The following UBR2 variants were observed in gnomAD, a reference collection of about 807,000 sequenced individuals.
UBR2 encodes the protein E3 ubiquitin-protein ligase UBR2.
In UBR2, 92 loss-of-function variants were observed where a neutral mutation model predicts 247.9. That is an observed-to-expected ratio of 0.37 (90% CI 0.31 to 0.44). UBR2 has a LOEUF of 0.44. UBR2 is among the 20% of genes least tolerant of loss of function. The probability of loss-of-function intolerance (pLI) is 1.00; values close to 1 mark genes in which losing one functional copy is unlikely to be tolerated. For missense variants in UBR2, 1,613 were observed against 2,112.6 expected, an observed-to-expected ratio of 0.76 and a Z score of 4.64; for synonymous variants, 672 against 693.5, an observed-to-expected ratio of 0.97 and a Z score of 0.49.
rs2151960645 is a variant in UBR2, at chr6:42,644,532, T to C, written c.2280T>C (p.Leu760=). 3 of 1,608,168 alleles carry C rather than the reference T, an allele frequency of 1.9e-6. No homozygotes were observed. The East Asian group carries it at 6.7e-5, about 36-fold the overall frequency. The change falls in exon 20 of 47, where the codon CTT becomes CTC. Residue 760 remains leucine (L), a synonymous_variant. Transcript: ENST00000372901. ...IEEMLYLIIM[L]VGERFSPGVG... is the part of the protein sequence containing the mutation. ...AAATGCTATACCTCATTATAATGCTTGTTGGTAAGTTTAAATTGTTTGAGG... is the reference window on the plus strand; with the variant it reads ...AAATGCTATACCTCATTATAATGCTCGTTGGTAAGTTTAAATTGTTTGAGG...
rs530170609 is a variant in UBR2 at position 42,684,541 on chromosome 6, G to A, written c.4776-253G>A. 1.6e-3 allele frequency among the ~76,000 whole-genome samples: 246 copies of A among 150,796 alleles called. 1 individual carries two copies. The highest frequency in any genetic ancestry group is 5.7e-3 in the African/African-American group (232 of 41,000). On this transcript the variant is annotated intron_variant, in intron 43 of 46. Coordinates refer to ENST00000372901, the MANE Select transcript of UBR2 (RefSeq NM_001363705.2). ...GGAGGTTGCAGTGAGCCAAGATTGC[G>A]CCACTGCACTCCAGCCTGGGCACAG...
intron 41 of UBR2, among the ~76,000 whole-genome samples, 178 bp from the exon 42 acceptor site, chr6:42,679,546 A>G (rs2151990232): frequency 6.6e-6 from 1 of 152,376 alleles, no homozygotes; most frequent in East Asian, 1.9e-4. Flanking sequence ...CACTTGACGC[A>G]TTGCGTCATT....
intron 8 of UBR2, among the ~76,000 whole-genome samples, chr6:42,614,177 CAAA>C (rs1167450076): frequency 8.8e-5 from 1 of 11,392 alleles, no homozygotes; most frequent in African/African-American, 4.2e-4. Context: ...ACTCTGTCTC[CAAA>C]AAAAAAAAAA....
At chr6:42,686,688 C>T (rs988267697) in intron 44 of UBR2, among the ~76,000 whole-genome samples, 4 of 145,584 alleles carry the variant, frequency 2.7e-5, no homozygotes, top group African/African-American at 5.1e-5. Context: ...CCGGACGGGG[C>T]GGCTGGCCGG....
chr6:42,617,465 A>G lies in UBR2; in HGVS notation c.1239A>G (p.Ser413=). 1 of 1,557,378 alleles carries G rather than the reference A, an allele frequency of 6.4e-7. No individual in the cohort carries two copies. Among genetic ancestry groups the G allele is most frequent in the Non-Finnish European group, 8.7e-7 (1 of 1,149,920 alleles). The change falls in exon 11 of 47, where the codon TCA becomes TCG. Residue 413 remains serine, a synonymous_variant. Transcript: ENST00000372901. The part of the protein sequence containing the change: ...YVTDDHDREF[S]VADLSVQIFT... ...CAGATGACCACGACAGAGAGTTTTC[A>G]GTCGCAGACCTCTCGGTTCAGATAT...
intron 34 of UBR2, among the ~76,000 whole-genome samples, chr6:42,666,495 C>G (rs552057785): frequency 6.6e-6 from 1 of 151,956 alleles, no homozygotes; most frequent in East Asian, 1.9e-4. Context: ...GTCTCAACAA[C>G]AACAACAAAA....
chr6:42,674,524 G>T (rs545948344), intron 38 of UBR2, among the ~76,000 whole-genome samples: 3 of 152,102 alleles, frequency 2.0e-5, no homozygotes, highest in African/African-American at 7.2e-5. Context: ...AGCACTTTGC[G>T]AGGCTCACCC....
At chr6:42,672,239 G>C (rs1433082471) in intron 36 of UBR2, among the ~76,000 whole-genome samples, 1 of 151,970 alleles carries the variant, frequency 6.6e-6, no homozygotes, top group African/African-American at 2.4e-5. Context: ...CACCATGTTG[G>C]CCAGGCTGGT....
At chr6:42,677,229 T>C (rs1028256835) in intron 40 of UBR2, among the ~76,000 whole-genome samples, 85 of 152,306 alleles carry the variant, frequency 5.6e-4, no homozygotes, top group African/African-American at 2.0e-3. Context: ...CAAGTTAAAT[T>C]GGCATAATTT....
intron 4 of UBR2, among the ~76,000 whole-genome samples, chr6:42,596,790 AG>A (rs1458296111): frequency 6.6e-6 from 1 of 152,218 alleles, no homozygotes; most frequent in Non-Finnish European, 1.5e-5. Flanking sequence ...AAATCTGTAG[AG>A]AGAAAAAACA....
rs1799609408 is a variant in UBR2, at chr6:42,689,120, G to A, written c.5025-449G>A. On this transcript the variant is annotated intron_variant, in intron 45 of 46. Coordinates refer to ENST00000372901, the MANE Select transcript of UBR2 (RefSeq NM_001363705.2). The surrounding 1 kb of genome is among the most constrained non-coding windows in gnomAD (Gnocchi z 4.0). ...CTGTCTGCTCAAGGCAAGGAGGCGC[G>A]TGTCACTGGAGTGTTGTGCACAGGT... Among the ~76,000 whole-genome samples, 2 of 152,190 alleles carry A rather than the reference G, an allele frequency of 1.3e-5. No homozygotes were observed. Among genetic ancestry groups the A allele is most frequent in the African/African-American group, 4.8e-5 (2 of 41,440 alleles).
At chr6:42,622,401 G>T (rs1396274892) in intron 11 of UBR2, among the ~76,000 whole-genome samples, 5 of 143,784 alleles carry the variant, frequency 3.5e-5, no homozygotes, top group African/African-American at 1.3e-4. Flanking sequence ...GGGTTTTTTG[G>T]TGGGTTTTTT....
intron 8 of UBR2, among the ~76,000 whole-genome samples, chr6:42,614,440 GTACA>G (rs1160238094): frequency 3.5e-4 from 53 of 149,576 alleles, no homozygotes; most frequent in Non-Finnish European, 4.5e-4. Flanking sequence ...ATGTATGTAC[GTACA>G]TATATATGTA....
chr6:42,658,191 A>G, intron 27 of UBR2, 49 bp from the exon 28 acceptor site: 1 of 1,610,516 alleles, frequency 6.2e-7, no homozygotes, highest in Non-Finnish European at 8.5e-7. Context: ...TGTTATGTGT[A>G]CATTGTGATC....
chr6:42,603,173 C>G (rs1028940615), intron 4 of UBR2, among the ~76,000 whole-genome samples: 1 of 152,108 alleles, frequency 6.6e-6, no homozygotes, highest in African/African-American at 2.4e-5. Flanking sequence ...AAATCAAGCT[C>G]TCTTTTATAC....
chr6:42,691,187 A>ATATTTGGTGC lies in UBR2; in HGVS notation c.*14_*15insTATTTGGTGC, dbSNP rs1799733166. 1 of 1,607,964 alleles carries ATATTTGGTGC rather than the reference A, an allele frequency of 6.2e-7. No homozygotes were observed. Among genetic ancestry groups the ATATTTGGTGC allele is most frequent in the Admixed American group, 1.7e-5 (1 of 57,886 alleles). ...CAACATTTATAATTATTGCACCACC[A>ATATTTGGTGC]AAAAACACAAACTTGGATTTTTTTA... On this transcript the variant is annotated 3_prime_UTR_variant, in exon 47 of 47. Transcript: ENST00000372901.
intron 4 of UBR2, among the ~76,000 whole-genome samples, chr6:42,595,901 A>G (rs1459380770): frequency 2.6e-5 from 4 of 151,968 alleles, no homozygotes; most frequent in African/African-American, 9.7e-5. Context: ...TGCTACAGTA[A>G]GATGCCAAGT....
At chr6:42,568,738 A>T (rs1790931891) in intron 1 of UBR2, among the ~76,000 whole-genome samples, 1 of 152,144 alleles carries the variant, frequency 6.6e-6, no homozygotes, top group South Asian at 2.1e-4. Flanking sequence ...TCAAAAAAAA[A>T]ATAATAAAAA....
intron 10 of UBR2, 109 bp downstream of exon 10, chr6:42,616,199 G>T (rs557453141): frequency 3.4e-5 from 21 of 619,214 alleles, no homozygotes; most frequent in African/African-American, 2.7e-4. Flanking sequence ...TCAATGTGTT[G>T]ATATTAAATT....
Sources: allele counts gnomAD v4.1 joint callset (sites outside exome capture counted in the v4.1 genomes callset), GRCh38; gene constraint gnomAD v4.1.1; non-coding constraint Gnocchi (gnomAD v3.1); transcripts MANE v1.5; gene names NCBI Gene and HGNC (gene_info 2026-07-23, HGNC 2026-07-21).